Variants in KCNG3 observed in about 807,000 individuals in gnomAD.
KCNG3 encodes voltage-gated potassium channel regulatory subunit KCNG3.
A neutral mutation model predicts 29.0 loss-of-function variants in KCNG3; 15 were observed. That is an observed-to-expected ratio of 0.52 (90% CI 0.35 to 0.80). The LOEUF (loss-of-function observed/expected upper bound fraction) is 0.80. KCNG3 is among the 30% of genes least tolerant of loss of function. KCNG3 has a pLI of 0.01. For missense variants in KCNG3, 512 were observed against 605.7 expected, an observed-to-expected ratio of 0.85 and a Z score of 1.62; for synonymous variants, 322 against 248.9, an observed-to-expected ratio of 1.29 and a Z score of -2.76.
intron 1 of KCNG3, among the ~76,000 whole-genome samples, chr2:42,457,627 T>TCTCTCACACA (rs1553327818): frequency 6.4e-5 from 8 of 125,520 alleles, no homozygotes; most frequent in African/African-American, 2.4e-4. Flanking sequence ...CAGGCAGATC[T>TCTCTCACACA]CACACACACA....
intron 1 of KCNG3, chr2:42,463,533 C>A: frequency 5.9e-6 from 1 of 170,490 alleles, no homozygotes; most frequent in South Asian, 1.5e-4. Flanking sequence ...ACTCTGTGGT[C>A]TCAAAATTCA....
At chr2:42,454,093 CAAA>C (rs11322972) in intron 1 of KCNG3, among the ~76,000 whole-genome samples, 18 of 134,906 alleles carry the variant, frequency 1.3e-4, no homozygotes, top group Admixed American at 2.2e-4. Context: ...GCTACTATAC[CAAA>C]AAAAAAAAAA....
chr2:42,452,069 A>C (rs1672768449), intron 1 of KCNG3, among the ~76,000 whole-genome samples: 1 of 152,008 alleles, frequency 6.6e-6, no homozygotes, highest in Non-Finnish European at 1.5e-5. Context: ...AAATCAACCC[A>C]ACTAAAAAAT....
At chr2:42,435,578 A>G in the KCNG3 span, among the ~76,000 whole-genome samples, 1 of 152,218 alleles carries the variant, frequency 6.6e-6, no homozygotes, top group Admixed American at 6.5e-5. Flanking sequence ...CAACTTTTTT[A>G]AAAAACCTAT....
chr2:42,482,473 C>T lies in KCNG3; in HGVS notation c.665+10364G>A, dbSNP rs565573142. Among the ~76,000 whole-genome samples the T allele has an allele frequency of 4.6e-5, 7 of 152,068 alleles. No individual in the cohort carries two copies. In the South Asian group the frequency reaches 1.2e-3, roughly 27 times the overall value. On this transcript the variant is annotated intron_variant, in intron 1 of 1. Coordinates refer to ENST00000306078, the MANE Select transcript of KCNG3 (RefSeq NM_133329.6). ...GACGCAGTGGCTCACACCTGTAATC[C>T]CAGCACTTTGGGAGGCCAAGGTGGG...
Position 42,492,773 on chromosome 2 carries a change from G to A in KCNG3, c.665+64C>T, listed in dbSNP as rs1007825133. On this transcript the variant is annotated intron_variant, in intron 1 of 1. Coordinates refer to ENST00000306078, the MANE Select transcript of KCNG3 (RefSeq NM_133329.6). ...GAGGCGGACAGGACGGAGACGGGAC[G>A]TATGGACGGGACGGACAGACGCGAC... is the stretch of plus-strand genomic sequence containing the variant. 29 of 1,344,492 alleles carry A rather than the reference G, an allele frequency of 2.2e-5. No individual in the cohort carries two copies. In the African/African-American group the frequency reaches 4.2e-4, roughly 19 times the overall value. 83.3% of individuals were successfully genotyped at this position (1,344,492 alleles called of 1,614,324 possible). A position where few individuals can be genotyped will look rare whatever the true frequency, so the allele number is the denominator to read the frequency against.
intron 1 of KCNG3, among the ~76,000 whole-genome samples, chr2:42,460,780 T>C (rs1672995017): frequency 6.6e-6 from 1 of 152,094 alleles, no homozygotes; most frequent in Non-Finnish European, 1.5e-5. Context: ...TTCCCCTAAA[T>C]GGAAAGGCAA....
chr2:42,451,718 T>C (rs962798812), intron 1 of KCNG3, among the ~76,000 whole-genome samples: 2 of 151,824 alleles, frequency 1.3e-5, no homozygotes, highest in African/African-American at 4.8e-5. Context: ...AGAGCAAGAC[T>C]TTGTCTCAAA....
intron 1 of KCNG3, among the ~76,000 whole-genome samples, chr2:42,464,837 C>CA (rs972918546): frequency 6.6e-6 from 1 of 152,120 alleles, no homozygotes; most frequent in South Asian, 2.1e-4. Flanking sequence ...GCACATAGCA[C>CA]AACGTGTAGT....
chr2:42,452,728 C>T (rs1402686211), intron 1 of KCNG3, among the ~76,000 whole-genome samples: 1 of 151,850 alleles, frequency 6.6e-6, no homozygotes, highest in African/African-American at 2.4e-5. Flanking sequence ...GAATAGTACT[C>T]CATTGTGTGT....
chr2:42,421,442 C>A, the KCNG3 span, among the ~76,000 whole-genome samples: 3 of 152,178 alleles, frequency 2.0e-5, no homozygotes, highest in Non-Finnish European at 4.4e-5. Context: ...AGGAGTGAGT[C>A]AAACAGCAGA....
intron 1 of KCNG3, among the ~76,000 whole-genome samples, chr2:42,446,328 G>A (rs879263752): frequency 2.6e-5 from 4 of 151,302 alleles, no homozygotes; most frequent in South Asian, 2.1e-4. Context: ...AGGCGCGCGC[G>A]ATCACGCCTG....
At chr2:42,407,263 C>A in the KCNG3 span, among the ~76,000 whole-genome samples, 1 of 150,614 alleles carries the variant, frequency 6.6e-6, no homozygotes, top group Non-Finnish European at 1.5e-5. Context: ...GCAGCTTCAA[C>A]CTCTTGAGCT....
Position 42,443,772 on chromosome 2 carries a change from T to C in KCNG3, c.*162A>G. The C allele has an allele frequency of 1.6e-6, 1 of 636,632 alleles. No individual in the cohort carries two copies. 39.4% of individuals were successfully genotyped at this position (636,632 alleles called of 1,614,324 possible). On this transcript the variant is annotated 3_prime_UTR_variant, in exon 2 of 2. Coordinates refer to ENST00000306078, the MANE Select transcript of KCNG3 (RefSeq NM_133329.6). ...TGCAGTCTCAATTCTATTTACTCCA[T>C]AACAAGTAAACTGTTTTATCCCTTC...
chr2:42,460,482 C>T (rs745716858), intron 1 of KCNG3, among the ~76,000 whole-genome samples: 52 of 152,102 alleles, frequency 3.4e-4, no homozygotes, highest in Non-Finnish European at 5.7e-4. Context: ...AACAACAATC[C>T]AATCCTTAAG....
At position 42,443,929 on chromosome 2, in the gene KCNG3, A is replaced by C; in HGVS notation, c.*5T>G. ...AAGTGTATGCAAGAATTGATTTGCA[A>C]TGCATTAATTCAGGAATTCAGTGGA... On this transcript the variant is annotated 3_prime_UTR_variant, in exon 2 of 2. Coordinates refer to ENST00000306078, the MANE Select transcript of KCNG3 (RefSeq NM_133329.6). 2 of 1,595,106 alleles carry C rather than the reference A, an allele frequency of 1.3e-6. No homozygotes were observed. Among genetic ancestry groups the C allele is most frequent in the Non-Finnish European group, 1.7e-6 (2 of 1,171,288 alleles).
the KCNG3 span, among the ~76,000 whole-genome samples, chr2:42,395,498 G>A: frequency 6.6e-6 from 1 of 152,158 alleles, no homozygotes; most frequent in East Asian, 1.9e-4. Context: ...GACTACAGGT[G>A]TGCATTTTTA....
At chr2:42,405,138 C>T in the KCNG3 span, among the ~76,000 whole-genome samples, 1 of 152,186 alleles carries the variant, frequency 6.6e-6, no homozygotes, top group African/African-American at 2.4e-5. Context: ...CAAATGCCCT[C>T]GAAGGAGATG....
At chr2:42,446,732 C>T (rs372333764) in intron 1 of KCNG3, among the ~76,000 whole-genome samples, 1 of 151,906 alleles carries the variant, frequency 6.6e-6, no homozygotes, top group African/African-American at 2.4e-5. Context: ...ACCATGTTTC[C>T]CTATTGTAGG....
Sources: gnomAD v4.1 joint callset for allele counts (sites outside exome capture counted in the v4.1 genomes callset) on GRCh38, gnomAD v4.1.1 for gene constraint, MANE v1.5 for transcripts, NCBI Gene and HGNC (gene_info 2026-07-23, HGNC 2026-07-21) for gene names.